SRPRB: variants seen among roughly 807,000 people sequenced by gnomAD.
The protein encoded by SRPRB is SRP receptor subunit beta.
A neutral mutation model predicts 31.9 loss-of-function variants in SRPRB; 20 were observed. The observed-to-expected ratio is 0.63, with a 90% confidence interval of 0.44 to 0.91. SRPRB has a LOEUF of 0.91. Among genes scored for constraint, SRPRB ranks in the 40% least tolerant of loss-of-function variants. SRPRB has a pLI of 0.00. For missense variants in SRPRB, 321 were observed against 324.9 expected (o/e 0.99, Z 0.09); for synonymous variants, 146 against 132.8 (o/e 1.10, Z -0.68).
intron 1 of SRPRB, chr3:133,790,255 G>A (rs1934798938): frequency 6.6e-6 from 1 of 152,084 alleles, no homozygotes; most frequent in Non-Finnish European, 1.5e-5. Flanking sequence ...CTAAAATTGT[G>A]GAATTGTTCT....
At chr3:133,809,521 C>A in intron 3 of SRPRB, among the ~76,000 whole-genome samples, 1 of 151,438 alleles carries the variant, frequency 6.6e-6, no homozygotes, top group African/African-American at 2.4e-5. Flanking sequence ...TCTTTGTGGC[C>A]CAGACCTTTT....
intron 3 of SRPRB, chr3:133,810,532 A>G (rs1383387964): frequency 2.6e-5 from 4 of 152,284 alleles, no homozygotes; most frequent in African/African-American, 9.6e-5. Flanking sequence ...AGGAATTGAC[A>G]CAAATGCTGA....
At chr3:133,821,539 T>C (rs1345414935), downstream of SRPRB, 3 of 152,168 alleles carry the variant, frequency 2.0e-5, no homozygotes, top group Non-Finnish European at 2.9e-5. Context: ...AATATCTTAC[T>C]TTATTGGAGG....
chr3:133,817,929 C>A (rs1423949964), intron 6 of SRPRB, among the ~76,000 whole-genome samples: 1 of 152,180 alleles, frequency 6.6e-6, no homozygotes, highest in Non-Finnish European at 1.5e-5. Context: ...AGTAAATCGA[C>A]ATTTTTAAAG....
In SRPRB at chr3:133,807,814, C is replaced by T. The variant is rs775986350; in HGVS notation, c.318C>T (p.Asn106=). 5.5e-5 allele frequency: 88 copies of T among 1,609,696 alleles called. No homozygotes were observed. The highest frequency in any genetic ancestry group is 7.2e-5 in the Non-Finnish European group (85 of 1,178,802). Residue 106 remains asparagine, a synonymous_variant, in exon 3 of 7, where the codon AAC becomes AAT. Transcript: ENST00000678299. ...ITDSCAVYRV[N]NNRGNSLTLI... The stretch of plus-strand genomic sequence containing the variant: ...ACAGCTGTGCTGTATACAGAGTCAA[C>T]AATAACAGGGTAAGATGTTTGTGGA...
At chr3:133,812,886 C>T (rs780722262) in intron 4 of SRPRB, among the ~76,000 whole-genome samples, 3 of 152,138 alleles carry the variant, frequency 2.0e-5, no homozygotes, top group Non-Finnish European at 4.4e-5. Context: ...TCTTTTGCTC[C>T]CCATTGCTTC....
rs773027794 is a variant in SRPRB, at chr3:133,819,533, T to A, written c.603-20T>A. On this transcript the variant is annotated intron_variant, in intron 6 of 6. Transcript: ENST00000678299. ...TGTATAAAAATTTTGCCTCCTGACT[T>A]CTTTCCTTTTGCCCCACAGCAACAC... 1 of 1,601,100 alleles carries A rather than the reference T, an allele frequency of 6.2e-7. No individual in the cohort carries two copies. Among genetic ancestry groups the A allele is most frequent in the Non-Finnish European group, 8.6e-7 (1 of 1,169,258 alleles).
chr3:133,811,365 C>G (rs910881223), intron 4 of SRPRB, among the ~76,000 whole-genome samples, 166 bp downstream of exon 4: 3 of 152,092 alleles, frequency 2.0e-5, no homozygotes, highest in African/African-American at 7.2e-5. Context: ...CCACCTTCAC[C>G]TGGATGATGA....
chr3:133,800,754 G>C (rs1388483279), intron 1 of SRPRB, among the ~76,000 whole-genome samples: 2 of 152,216 alleles, frequency 1.3e-5, no homozygotes, highest in Non-Finnish European at 2.9e-5. Flanking sequence ...TGTCAGACAG[G>C]AGCCTGGGGC....
downstream of SRPRB, chr3:133,828,244 G>A: frequency 2.0e-6 from 1 of 508,644 alleles, no homozygotes; most frequent in East Asian, 3.5e-5. Context: ...TTCAACCAAT[G>A]TTTGATTTAA....
At position 133,788,696 on chromosome 3, in the gene SRPRB, G is replaced by A. The variant is rs558871289; in HGVS notation, c.-174+4552G>A. Reference sequence around the variant, plus strand: ...CCCTTGGTGGGCAGCGCCTAAACACGGAGGCAACCGCAGGTTTCTGGGTGG... The same window carrying A: ...CCCTTGGTGGGCAGCGCCTAAACACAGAGGCAACCGCAGGTTTCTGGGTGG... On this transcript the variant is annotated intron_variant, in intron 1 of 7. Coordinates refer to the SRPRB transcript ENST00000466490. 7.3e-4 allele frequency: 111 copies of A among 152,220 alleles called. 1 individual carries two copies. The highest frequency in any genetic ancestry group is 2.5e-3 in the African/African-American group (103 of 41,512). 9.4% of individuals were successfully genotyped at this position (152,220 alleles called of 1,614,324 possible).
chr3:133,805,946 C>T lies in SRPRB; in HGVS notation c.98C>T (p.Thr33Met). The T allele has an allele frequency of 1.2e-6, 2 of 1,613,940 alleles. No homozygotes were observed. Among genetic ancestry groups the T allele is most frequent in the Non-Finnish European group, 8.5e-7 (1 of 1,179,846 alleles). Reference sequence around the variant, plus strand: ...ACCTTGCGGCAGGAGCTGCAGCAGACGGACCCAACGCTGTTGTCAGTAGTG... The same window carrying T: ...ACCTTGCGGCAGGAGCTGCAGCAGATGGACCCAACGCTGTTGTCAGTAGTG... Reference protein sequence around the residue: ...LDTLRQELQQTDPTLLSVVVA... With the variant: ...LDTLRQELQQMDPTLLSVVVA... Residue 33 changes from threonine (T) to methionine (M), a missense_variant, in exon 1 of 7, where the codon ACG becomes ATG. Thr to Met is a moderately conservative substitution (Grantham distance 81). Coordinates refer to ENST00000678299, the MANE Select transcript of SRPRB (RefSeq NM_001379313.1).
At chr3:133,812,173 C>T (rs538752086) in intron 4 of SRPRB, among the ~76,000 whole-genome samples, 46 of 152,244 alleles carry the variant, frequency 3.0e-4, no homozygotes, top group African/African-American at 9.9e-4. Flanking sequence ...TTTCTCTTAG[C>T]GGTCCCTAAA....
At chr3:133,784,227 GAA>G (rs1468256943) in intron 1 of SRPRB, 1 of 152,262 alleles carries the variant, frequency 6.6e-6, no homozygotes, top group African/African-American at 2.4e-5. Flanking sequence ...GCTGGTGCTG[GAA>G]AAGAGAAGTG....
upstream of SRPRB, among the ~76,000 whole-genome samples, chr3:133,800,907 T>C (rs1393514724): frequency 2.0e-5 from 3 of 152,248 alleles, no homozygotes; most frequent in African/African-American, 7.2e-5. Context: ...TTGTATTTAC[T>C]GCTCTTATCC....
intron 1 of SRPRB, among the ~76,000 whole-genome samples, chr3:133,797,634 G>A (rs777679559): frequency 3.4e-4 from 51 of 152,134 alleles, no homozygotes; most frequent in Non-Finnish European, 6.3e-4. Flanking sequence ...ATCAGGTGTC[G>A]GCAGGTGGGA....
chr3:133,806,417 A>C, intron 1 of SRPRB, 192 bp from the exon 2 acceptor site: 1 of 563,402 alleles, frequency 1.8e-6, no homozygotes, highest in Non-Finnish European at 3.2e-6. Flanking sequence ...CTGCAAAGAA[A>C]AGTTGACAGT....
intron 6 of SRPRB, among the ~76,000 whole-genome samples, chr3:133,818,100 C>T (rs1164913679): frequency 1.3e-5 from 2 of 152,210 alleles, no homozygotes; most frequent in Non-Finnish European, 2.9e-5. Flanking sequence ...GATGCTCACT[C>T]TCTTGGATTG....
chr3:133,819,853 G>T lies in SRPRB; in HGVS notation c.*87G>T. 8.6e-7 allele frequency: 1 copy of T among 1,167,782 alleles called. No homozygotes were observed. The highest frequency in any genetic ancestry group is 1.5e-5 in the African/African-American group (1 of 65,598). 72.3% of individuals were successfully genotyped at this position (1,167,782 alleles called of 1,614,324 possible). On this transcript the variant is annotated 3_prime_UTR_variant, in exon 7 of 7. Coordinates refer to ENST00000678299, the MANE Select transcript of SRPRB (RefSeq NM_001379313.1). ...GTAGTCTGGAGTTGATGAGGAAGGG[G>T]TACAAGATGTGGTTAGAAACATTTC...
Sources: gnomAD v4.1 joint callset for allele counts (sites outside exome capture counted in the v4.1 genomes callset) on GRCh38, gnomAD v4.1.1 for gene constraint, MANE v1.5 for transcripts, NCBI Gene and HGNC (gene_info 2026-07-23, HGNC 2026-07-21) for gene names.